Variants in LGALS8 observed in about 807,000 individuals in gnomAD.
LGALS8 encodes the protein galectin 8.
In LGALS8, 30 loss-of-function variants were observed where a neutral mutation model predicts 35.9. That is an observed-to-expected ratio of 0.83 (90% CI 0.62 to 1.13). The LOEUF (loss-of-function observed/expected upper bound fraction) is 1.13. Among genes scored for constraint, LGALS8 ranks in the 50% most tolerant of loss-of-function variants. The pLI is 0.00. For missense variants in LGALS8, 366 were observed against 388.7 expected, an observed-to-expected ratio of 0.94 and a Z score of 0.49; for synonymous variants, 138 against 136.1, an observed-to-expected ratio of 1.01 and a Z score of -0.10.
chr1:236,547,061 T>G (rs1662409273), intron 9 of LGALS8, among the ~76,000 whole-genome samples: 1 of 152,168 alleles, frequency 6.6e-6, no homozygotes, highest in Admixed American at 6.5e-5. Flanking sequence ...GATTCAGGTT[T>G]TGTGCTTCAT....
At position 236,537,587 on chromosome 1, in the gene LGALS8, T is replaced by C. The variant is rs1453585733; in HGVS notation, c.134+2T>C. On this transcript the variant is annotated splice_donor_variant, in intron 3 of 9. Coordinates refer to ENST00000366584, the MANE Select transcript of LGALS8 (RefSeq NM_201544.4). LOFTEE classifies it high-confidence loss of function. The stretch of plus-strand genomic sequence containing the variant: ...GCATGTTCCTAGTGACGCAGACAGG[T>C]AAAATCACTGTGCTAAAGGAAGGAG... The C allele has an allele frequency of 6.3e-7, 1 of 1,585,640 alleles. No homozygotes were observed. The highest frequency in any genetic ancestry group is 1.7e-5 in the Admixed American group (1 of 59,984).
intron 9 of LGALS8, among the ~76,000 whole-genome samples, chr1:236,547,157 A>AG (rs1233269060): frequency 3.3e-5 from 5 of 152,194 alleles, no homozygotes; most frequent in African/African-American, 1.2e-4. Flanking sequence ...CGAGGAGCAC[A>AG]GGGAGAGCTC....
upstream of LGALS8, chr1:236,523,815 T>C (rs945758335): frequency 6.0e-5 from 21 of 347,830 alleles, no homozygotes; most frequent in South Asian, 4.5e-4. Context: ...CCGAGCTGGG[T>C]GGCGATCAGC....
chr1:236,542,830 A>T lies in LGALS8; in HGVS notation c.549+43A>T, dbSNP rs199954072. On this transcript the variant is annotated intron_variant, in intron 7 of 9. Coordinates refer to ENST00000366584, the MANE Select transcript of LGALS8 (RefSeq NM_201544.4). ...GGTTATTTCATGTGGAATATTTTAT[A>T]AAGTTGCATAGAAAATGAACAGTTT... 1.2e-4 allele frequency: 189 copies of T among 1,614,120 alleles called. No individual in the cohort carries two copies. The East Asian group carries it at 4.0e-3, about 34-fold the overall frequency.
At chr1:236,534,387 G>C (rs978813591) in intron 2 of LGALS8, among the ~76,000 whole-genome samples, 2 of 152,134 alleles carry the variant, frequency 1.3e-5, no homozygotes, top group African/African-American at 4.8e-5. Flanking sequence ...GGGTGTTTTG[G>C]GAAATAACAG....
rs200944986 is a variant in LGALS8 at position 236,526,049 on chromosome 1, A to G, written c.-22A>G. The G allele has an allele frequency of 2.4e-3, 3,819 of 1,607,616 alleles. 5 individuals carry two copies. Among genetic ancestry groups the G allele is most frequent in the Non-Finnish European group, 3.1e-3 (3,636 of 1,174,474 alleles). ...TAGGTCATACACAGAAGAGACTCCA[A>G]TCGACAAGAAGCTGGAAAAGAATGA... On this transcript the variant is annotated 5_prime_UTR_variant, in exon 2 of 10. Transcript: ENST00000366584. The surrounding 1 kb of genome is among the most constrained non-coding windows in gnomAD (Gnocchi z 4.6).
intron 2 of LGALS8, among the ~76,000 whole-genome samples, chr1:236,530,395 G>A (rs1364265683): frequency 6.6e-6 from 1 of 152,152 alleles, no homozygotes; most frequent in African/African-American, 2.4e-5. Context: ...TCCTGACTGA[G>A]AGTGGATTTC....
At chr1:236,523,932 G>A (rs1423124213), upstream of LGALS8, 2 of 359,500 alleles carry the variant, frequency 5.6e-6, no homozygotes, top group Non-Finnish European at 1.1e-5. Context: ...GCGCGAGCCG[G>A]GAAGTGAACG....
chr1:236,524,528 G>A (rs1558153520), intron 1 of LGALS8: 2 of 427,532 alleles, frequency 4.7e-6, no homozygotes, highest in Admixed American at 5.0e-5. Context: ...ACGCTCTTTA[G>A]GATGCCGAGT....
At chr1:236,520,132 T>C (rs939980237), upstream of LGALS8, among the ~76,000 whole-genome samples, 1 of 151,850 alleles carries the variant, frequency 6.6e-6, no homozygotes, top group Non-Finnish European at 1.5e-5. Context: ...AATTATTGTA[T>C]TTTTAGTAGA....
chr1:236,541,182 G>A lies in LGALS8; in HGVS notation c.466-472G>A, dbSNP rs536610240. On this transcript the variant is annotated intron_variant, in intron 5 of 9. Transcript: ENST00000366584. The stretch of plus-strand genomic sequence containing the variant: ...CTGGTTGCCTACAGTATTTGGTACA[G>A]TGCCTGCTGTACAGATTCACTGGCC... 1.7e-4 allele frequency: 27 copies of A among 161,496 alleles called. No homozygotes were observed. In the South Asian group the frequency reaches 4.2e-3, roughly 25 times the overall value. The allele number at this position is 161,496 out of a possible 1,614,324, so 10.0% of individuals were successfully genotyped here. A position where few individuals can be genotyped will look rare whatever the true frequency, so the allele number is the denominator to read the frequency against.
At chr1:236,535,257 ATT>A (rs1661410702) in intron 2 of LGALS8, among the ~76,000 whole-genome samples, 1 of 151,690 alleles carries the variant, frequency 6.6e-6, no homozygotes, top group Non-Finnish European at 1.5e-5. Context: ...CATGAAAACT[ATT>A]GTTATCATTT....
chr1:236,526,137 A>T lies in LGALS8; in HGVS notation c.45+22A>T. ...CCCGGTAACTGATTTCTATAAGATA[A>T]CTTTTTACCTATGCCAGGACAGATC... On this transcript the variant is annotated intron_variant, in intron 2 of 9. Coordinates refer to ENST00000366584, the MANE Select transcript of LGALS8 (RefSeq NM_201544.4). This position sits in a 1 kb window ranked among gnomAD's most constrained non-coding sequence, Gnocchi z 4.6. The T allele has an allele frequency of 6.5e-7, 1 of 1,538,460 alleles. No individual in the cohort carries two copies. Among genetic ancestry groups the T allele is most frequent in the South Asian group, 1.1e-5 (1 of 89,536 alleles).
In LGALS8 at chr1:236,550,927, C is replaced by T. The variant is rs997410827; in HGVS notation, c.*2766C>T. ...TTAGAAATAGCTCTGGAGTGGCTCT[C>T]CCAGGACAGTTTCCAGTTGCTGAAT... On this transcript the variant is annotated 3_prime_UTR_variant, in exon 10 of 10. Coordinates refer to ENST00000366584, the MANE Select transcript of LGALS8 (RefSeq NM_201544.4). 3.1e-6 allele frequency: 5 copies of T among 1,610,966 alleles called. No homozygotes were observed. The highest frequency in any genetic ancestry group is 1.7e-4 in the Middle Eastern group (1 of 6,036).
rs751465934 is a variant in LGALS8, at chr1:236,544,923, TAC to T, written c.804+10_804+11del. 3.2e-5 allele frequency: 51 copies of T among 1,597,916 alleles called. No individual in the cohort carries two copies. The Admixed American group carries it at 7.6e-4, about 24-fold the overall frequency. On this transcript the variant is annotated intron_variant, in intron 9 of 9. Coordinates refer to ENST00000366584, the MANE Select transcript of LGALS8 (RefSeq NM_201544.4). ...CCTGGGATGTACTTTGAGGTGAGGT[TAC>T]AGTTTTTGAAAATGGGACAGCAATA...
At chr1:236,542,231 T>C (rs928702213) in intron 6 of LGALS8, 3 of 171,756 alleles carry the variant, frequency 1.7e-5, no homozygotes, top group Admixed American at 1.1e-4. Context: ...AGGCCTGTAG[T>C]CCCAGCGCTT....
chr1:236,525,242 G>C (rs946610144), intron 1 of LGALS8, among the ~76,000 whole-genome samples: 1 of 152,058 alleles, frequency 6.6e-6, no homozygotes, highest in Non-Finnish European at 1.5e-5. Flanking sequence ...AATAATAATA[G>C]CTAACATAGC....
In LGALS8 at chr1:236,540,560, C is replaced by T; in HGVS notation, c.346-4C>T. ...GGGGGGCTCTGTCTTCTGTATCTCT[C>T]TAGGTGGCTGTAAATGGAAAACATA... On this transcript the variant is annotated splice_region_variant and splice_polypyrimidine_tract_variant and intron_variant, in intron 4 of 9. Transcript: ENST00000366584. 1 of 1,595,620 alleles carries T rather than the reference C, an allele frequency of 6.3e-7. No homozygotes were observed. Among genetic ancestry groups the T allele is most frequent in the Non-Finnish European group, 8.5e-7 (1 of 1,171,884 alleles).
chr1:236,518,352 G>A (rs1418443377), intron 1 of LGALS8: 2 of 151,792 alleles, frequency 1.3e-5, no homozygotes, highest in Non-Finnish European at 2.9e-5. Flanking sequence ...GCTCATGGAT[G>A]GGGCTAGTAT....
Sources: gnomAD v4.1 joint callset for allele counts (sites outside exome capture counted in the v4.1 genomes callset) on GRCh38, gnomAD v4.1.1 for gene constraint, Gnocchi (gnomAD v3.1) non-coding constraint, MANE v1.5 for transcripts, NCBI Gene and HGNC (gene_info 2026-07-23, HGNC 2026-07-21) for gene names.